The following KCNH7 variants were observed in gnomAD, a reference collection of about 807,000 sequenced individuals.
The protein encoded by KCNH7 is voltage-gated inwardly rectifying potassium channel KCNH7.
A neutral mutation model predicts 120.8 loss-of-function variants in KCNH7; 49 were observed. That is an observed-to-expected ratio of 0.41 (90% confidence interval 0.32 to 0.51). KCNH7 has a LOEUF of 0.51. Ranked by LOEUF, KCNH7 falls within the 20% of genes least tolerant of loss-of-function variation. KCNH7 has a pLI of 0.38. For synonymous variants in KCNH7, 547 were observed against 516.1 expected, an observed-to-expected ratio of 1.06 and a Z score of -0.81; for missense variants, 1,097 against 1,446.6, an observed-to-expected ratio of 0.76 and a Z score of 3.92.
rs60854157 is a variant in KCNH7 at position 162,429,383 on chromosome 2, C to CTTTTTTTT, written c.1954+5807_1954+5814dup. On this transcript the variant is annotated intron_variant, in intron 8 of 15. Coordinates refer to ENST00000332142, the MANE Select transcript of KCNH7 (RefSeq NM_033272.4). ...AGACATTTAGAAATGAGGAAAAAGTCTTTTTTTTTTTTTTTTTTTTTTACT... is the reference window on the plus strand; with the variant it reads ...AGACATTTAGAAATGAGGAAAAAGTCTTTTTTTTTTTTTTTTTTTTTTTTTTTTTTACT... Among the ~76,000 whole-genome samples, 33 of 86,226 alleles carry CTTTTTTTT rather than the reference C, an allele frequency of 3.8e-4. 1 individual carries two copies. Among genetic ancestry groups the CTTTTTTTT allele is most frequent in the East Asian group, 2.4e-3 (7 of 2,944 alleles). 56.6% of individuals were successfully genotyped at this position (86,226 alleles called of 152,430 possible). A position where few individuals can be genotyped will look rare whatever the true frequency, so the allele number is the denominator to read the frequency against.
Position 162,619,460 on chromosome 2 carries a change from TAA to T in KCNH7, c.308-82382_308-82381del, listed in dbSNP as rs80342672. 4.3e-3 allele frequency among the ~76,000 whole-genome samples: 640 copies of T among 147,356 alleles called. 3 individuals carry two copies. Among genetic ancestry groups the T allele is most frequent in the African/African-American group, 0.01 (409 of 40,426 alleles). ...CCCTTGGTCCAGGACACTCAATTGT[TAA>T]AAAAAAAAAAGAAAAAAGCCAAATC... On this transcript the variant is annotated intron_variant, in intron 2 of 15. Transcript: ENST00000332142.
chr2:162,664,129 T>C (rs1374489768), intron 2 of KCNH7, among the ~76,000 whole-genome samples: 2 of 152,194 alleles, frequency 1.3e-5, no homozygotes, highest in Non-Finnish European at 2.9e-5. Context: ...CCCCCTCCTC[T>C]TTCTGCCAAC....
At chr2:162,406,099 A>G (rs1687207751) in intron 9 of KCNH7, among the ~76,000 whole-genome samples, 1 of 152,004 alleles carries the variant, frequency 6.6e-6, no homozygotes, top group Admixed American at 6.6e-5. Flanking sequence ...TTAAAAGTAC[A>G]AGATTCAATA....
intron 2 of KCNH7, among the ~76,000 whole-genome samples, chr2:162,716,248 A>C (rs2105366176): frequency 6.6e-6 from 1 of 152,254 alleles, no homozygotes; most frequent in South Asian, 2.1e-4. Context: ...CTCGTAGTTC[A>C]TGGCTGCAGA....
At chr2:162,782,332 C>A (rs1040201034) in intron 2 of KCNH7, among the ~76,000 whole-genome samples, 3 of 152,138 alleles carry the variant, frequency 2.0e-5, no homozygotes, top group African/African-American at 7.2e-5. Context: ...GTAAGGGGCA[C>A]AGTTTTAAAT....
At chr2:162,424,801 A>G (rs1687807929) in intron 8 of KCNH7, among the ~76,000 whole-genome samples, 1 of 152,180 alleles carries the variant, frequency 6.6e-6, no homozygotes, top group Non-Finnish European at 1.5e-5. Flanking sequence ...CAAGTAAGAG[A>G]AAGTCCCAGG....
At chr2:162,689,603 G>C (rs1260882032) in intron 2 of KCNH7, among the ~76,000 whole-genome samples, 1 of 151,868 alleles carries the variant, frequency 6.6e-6, no homozygotes, top group Non-Finnish European at 1.5e-5. Context: ...ATTTTTTTCT[G>C]TGAAAATGTA....
At chr2:162,523,558 C>G (rs1691602112) in intron 3 of KCNH7, among the ~76,000 whole-genome samples, 2 of 151,828 alleles carry the variant, frequency 1.3e-5, no homozygotes, top group African/African-American at 2.4e-5. Context: ...CTCTCTCTCT[C>G]TCTCTCCCTA....
In KCNH7 at chr2:162,371,876, C is replaced by G; in HGVS notation, c.3544G>C (p.Val1182Leu). 1.2e-6 allele frequency: 2 copies of G among 1,613,304 alleles called. No individual in the cohort carries two copies. The highest frequency in any genetic ancestry group is 1.1e-5 in the South Asian group (1 of 91,058). ...TCAGAAACATGCCTATGAAGACCCA[C>G]GATTCCTACAGTGCTTAGGGATGAA... is the stretch of plus-strand genomic sequence containing the variant. ...PDSSLSTVGI[V>L]GLHRHVSDPG... Residue 1182 changes from valine to leucine, a missense_variant, in exon 16 of 16, where the codon GTG (valine) becomes CTG (leucine). Coordinates refer to ENST00000332142, the MANE Select transcript of KCNH7 (RefSeq NM_033272.4).
intron 2 of KCNH7, among the ~76,000 whole-genome samples, chr2:162,818,015 G>A (rs1684975955): frequency 6.6e-6 from 1 of 151,868 alleles, no homozygotes; most frequent in Non-Finnish European, 1.5e-5. Context: ...CTGTCAGTCT[G>A]TATCAGTTTT....
In KCNH7 at chr2:162,491,894, T is replaced by C. The variant is rs372048916; in HGVS notation, c.1128+12549A>G. Among the ~76,000 whole-genome samples, 21 of 152,262 alleles carry C rather than the reference T, an allele frequency of 1.4e-4. No homozygotes were observed. In the South Asian group the frequency reaches 3.5e-3, roughly 26 times the overall value. ...ATTCCTTTGGGGAAAAAAAGCCTTC[T>C]TTTTCCTCGAACTCTGTCTTCTCTT... On this transcript the variant is annotated intron_variant, in intron 6 of 15. Coordinates refer to ENST00000332142, the MANE Select transcript of KCNH7 (RefSeq NM_033272.4).
intron 6 of KCNH7, among the ~76,000 whole-genome samples, chr2:162,489,805 T>G (rs1312134121): frequency 6.6e-6 from 1 of 152,230 alleles, no homozygotes; most frequent in African/African-American, 2.4e-5. Context: ...ATTTCTGTTT[T>G]GCTGAACCAA....
At chr2:162,538,918 C>T (rs1452903353) in intron 2 of KCNH7, among the ~76,000 whole-genome samples, 1 of 152,046 alleles carries the variant, frequency 6.6e-6, no homozygotes, top group Non-Finnish European at 1.5e-5. Flanking sequence ...CAAATGTGGA[C>T]AGCTTCCCAA....
At chr2:162,817,811 T>G (rs2105584303) in intron 2 of KCNH7, among the ~76,000 whole-genome samples, 1 of 152,262 alleles carries the variant, frequency 6.6e-6, no homozygotes, top group Middle Eastern at 3.4e-3. Flanking sequence ...ATATGCTTAT[T>G]GCCCATTGTG....
At chr2:162,694,321 A>G (rs1686213658) in intron 2 of KCNH7, among the ~76,000 whole-genome samples, 1 of 152,176 alleles carries the variant, frequency 6.6e-6, no homozygotes, top group African/African-American at 2.4e-5. Context: ...AGATCATTAA[A>G]ACTTTAACTC....
chr2:162,753,593 A>T (rs956160912), intron 2 of KCNH7, among the ~76,000 whole-genome samples: 4 of 152,008 alleles, frequency 2.6e-5, no homozygotes, highest in African/African-American at 9.7e-5. Context: ...ATTTTTTTTC[A>T]ATAATTTGTT....
Position 162,509,912 on chromosome 2 carries a change from G to A in KCNH7, c.913+2742C>T, listed in dbSNP as rs537492441. 2.3e-4 allele frequency among the ~76,000 whole-genome samples: 35 copies of A among 151,700 alleles called. No homozygotes were observed. The South Asian group carries it at 2.7e-3, about 12-fold the overall frequency. On this transcript the variant is annotated intron_variant, in intron 5 of 15. Transcript: ENST00000332142. ...GAAGCAGGGTTACTTGAGATAGCAA[G>A]GAGGTGGGAGCATTAAAGGGGCAAA...
intron 2 of KCNH7, among the ~76,000 whole-genome samples, chr2:162,560,633 A>C (rs909336247): frequency 6.6e-6 from 1 of 152,254 alleles, no homozygotes; most frequent in African/African-American, 2.4e-5. Context: ...GAGTGATGCC[A>C]GTCAAGTATG....
chr2:162,820,474 C>G (rs1363735552), intron 2 of KCNH7, among the ~76,000 whole-genome samples: 1 of 151,890 alleles, frequency 6.6e-6, no homozygotes, highest in African/African-American at 2.4e-5. Flanking sequence ...ATTCCTTATA[C>G]CTCCATTGAC....
Sources: gnomAD v4.1 joint callset for allele counts (sites outside exome capture counted in the v4.1 genomes callset) on GRCh38, gnomAD v4.1.1 for gene constraint, MANE v1.5 for transcripts, NCBI Gene and HGNC (gene_info 2026-07-23, HGNC 2026-07-21) for gene names.